The following CSMD1 variants were observed in gnomAD, a reference collection of about 807,000 sequenced individuals.
The protein encoded by CSMD1 is CUB and Sushi multiple domains 1.
A neutral mutation model predicts 417.5 loss-of-function variants in CSMD1; 213 were observed. That is an observed-to-expected ratio of 0.51 (90% confidence interval 0.46 to 0.57). CSMD1 has a LOEUF of 0.57. Among genes scored for constraint, CSMD1 ranks in the 20% least tolerant of loss-of-function variants. CSMD1 has a pLI of 0.00. For missense variants in CSMD1, 6,923 were observed against 4,529.7 expected (o/e 1.53, Z -15.17); for synonymous variants, 2,862 against 1,736.8 (o/e 1.65, Z -16.11).
chr8:3,397,450 A>T (rs984051258), intron 16 of CSMD1, among the ~76,000 whole-genome samples: 6 of 152,286 alleles, frequency 3.9e-5, no homozygotes, highest in Non-Finnish European at 8.8e-5. Flanking sequence ...ATGATTACCT[A>T]TTCCTGCAAC....
At chr8:3,498,326 C>G (rs1316211226) in intron 10 of CSMD1, among the ~76,000 whole-genome samples, 3 of 152,120 alleles carry the variant, frequency 2.0e-5, no homozygotes, top group Non-Finnish European at 4.4e-5. Context: ...TACATGTATA[C>G]AAAGTTTAAC....
At chr8:4,079,651 T>C (rs748940467) in intron 3 of CSMD1, among the ~76,000 whole-genome samples, 1 of 152,256 alleles carries the variant, frequency 6.6e-6, no homozygotes, top group South Asian at 2.1e-4. Flanking sequence ...AGACACATTG[T>C]TTCAGCGTTC....
chr8:4,257,132 A>G (rs937130908), intron 3 of CSMD1, among the ~76,000 whole-genome samples: 9 of 152,156 alleles, frequency 5.9e-5, no homozygotes, highest in African/African-American at 1.4e-4. Context: ...TACTCACCAC[A>G]TTTGTTACCT....
At chr8:4,601,196 C>A (rs1157078088) in intron 2 of CSMD1, among the ~76,000 whole-genome samples, 1 of 152,104 alleles carries the variant, frequency 6.6e-6, no homozygotes, top group African/African-American at 2.4e-5. Context: ...CTCAGATGAT[C>A]CCCCACACTT....
intron 2 of CSMD1, among the ~76,000 whole-genome samples, chr8:4,587,000 G>C (rs1294608251): frequency 2.6e-5 from 4 of 152,130 alleles, no homozygotes; most frequent in African/African-American, 9.7e-5. Flanking sequence ...AGTTATAATA[G>C]AGATACCCAT....
chr8:3,759,137 C>G (rs780135678), intron 5 of CSMD1, among the ~76,000 whole-genome samples: 1 of 152,132 alleles, frequency 6.6e-6, no homozygotes, highest in Non-Finnish European at 1.5e-5. Flanking sequence ...TGGTTTAAGT[C>G]ATTGTATTTG....
intron 1 of CSMD1, among the ~76,000 whole-genome samples, chr8:4,770,255 T>A (rs906040946): frequency 2.2e-4 from 33 of 148,332 alleles, no homozygotes; most frequent in African/African-American, 8.1e-4. Context: ...GTATTCCTAA[T>A]TACATATAAA....
At chr8:4,752,893 C>T (rs546251271) in intron 1 of CSMD1, among the ~76,000 whole-genome samples, 2 of 152,318 alleles carry the variant, frequency 1.3e-5, no homozygotes, top group South Asian at 4.1e-4. Context: ...AAAGATCCTG[C>T]ACCACACTTT....
chr8:4,741,073 G>C (rs1810572197), intron 1 of CSMD1, among the ~76,000 whole-genome samples: 1 of 152,042 alleles, frequency 6.6e-6, no homozygotes, highest in South Asian at 2.1e-4. Context: ...TATGCTTTAA[G>C]GAATGAAAAT....
chr8:4,795,699 G>A (rs905313600), intron 1 of CSMD1, among the ~76,000 whole-genome samples: 3 of 152,170 alleles, frequency 2.0e-5, no homozygotes, highest in East Asian at 1.9e-4. Flanking sequence ...ACTGGGATCC[G>A]CAGATCCAGG....
At chr8:4,926,553 G>C (rs1037675821) in intron 1 of CSMD1, among the ~76,000 whole-genome samples, 1 of 152,194 alleles carries the variant, frequency 6.6e-6, no homozygotes, top group African/African-American at 2.4e-5. Flanking sequence ...TTTAGGTACA[G>C]ATGTGATATA....
chr8:3,473,189 T>G (rs943005944), intron 11 of CSMD1, among the ~76,000 whole-genome samples: 2 of 152,220 alleles, frequency 1.3e-5, no homozygotes, highest in African/African-American at 4.8e-5. Flanking sequence ...ATACTGAACT[T>G]TGCTTTAATT....
At chr8:4,196,658 C>G (rs1420936412) in intron 3 of CSMD1, among the ~76,000 whole-genome samples, 4 of 152,114 alleles carry the variant, frequency 2.6e-5, no homozygotes, top group African/African-American at 7.2e-5. Flanking sequence ...ATCTTTGTGA[C>G]CCATTCTTCT....
chr8:4,239,176 A>C (rs746131423), intron 3 of CSMD1, among the ~76,000 whole-genome samples: 2 of 152,238 alleles, frequency 1.3e-5, no homozygotes, highest in African/African-American at 2.4e-5. Context: ...GAGTTGAATG[A>C]ACTATCTTCT....
intron 8 of CSMD1, among the ~76,000 whole-genome samples, chr8:3,589,237 T>C (rs1485892954): frequency 6.6e-6 from 1 of 152,142 alleles, no homozygotes; most frequent in African/African-American, 2.4e-5. Flanking sequence ...TCACTTCTGA[T>C]CCTATATCTG....
At chr8:3,543,270 A>G (rs1481540165) in intron 10 of CSMD1, among the ~76,000 whole-genome samples, 1 of 152,216 alleles carries the variant, frequency 6.6e-6, no homozygotes, top group Admixed American at 6.5e-5. Context: ...GGCATGTTTT[A>G]CAGAGGACAT....
chr8:4,882,996 T>C (rs75692767), intron 1 of CSMD1, among the ~76,000 whole-genome samples: 2,981 of 152,008 alleles, frequency 0.02, 117 homozygotes, highest in African/African-American at 0.068. Flanking sequence ...GAAGAGAAAA[T>C]TGACAATTAG....
chr8:3,974,633 T>C (rs1813303979), intron 5 of CSMD1, among the ~76,000 whole-genome samples: 1 of 151,868 alleles, frequency 6.6e-6, no homozygotes, highest in East Asian at 1.9e-4. Context: ...AATTATTAGA[T>C]GAAAGAACTG....
Position 3,660,544 on chromosome 8 carries a change from A to C in CSMD1, c.1010-43747T>G, listed in dbSNP as rs1798361503. Among the ~76,000 whole-genome samples, 8 of 57,396 alleles carry C rather than the reference A, an allele frequency of 1.4e-4. 2 individuals are homozygous for C. Among genetic ancestry groups the C allele is most frequent in the East Asian group, 1.4e-3 (2 of 1,468 alleles). The allele number at this position is 57,396 out of a possible 152,430, so 37.7% of individuals were successfully genotyped here. ...TTTTTTTTTTTTTTTTTTTTGAAAAAAAACAAGGCCCTGCAGTCCAGGCAA... is the reference window on the plus strand; with the variant it reads ...TTTTTTTTTTTTTTTTTTTTGAAAACAAACAAGGCCCTGCAGTCCAGGCAA... On this transcript the variant is annotated intron_variant, in intron 7 of 69. Coordinates refer to ENST00000635120, the MANE Select transcript of CSMD1 (RefSeq NM_033225.6).
Sources: gnomAD v4.1 joint callset for allele counts (sites outside exome capture counted in the v4.1 genomes callset) on GRCh38, gnomAD v4.1.1 for gene constraint, MANE v1.5 for transcripts, NCBI Gene and HGNC (gene_info 2026-07-23, HGNC 2026-07-21) for gene names.